The following RBMS3 variants were observed in gnomAD, a reference collection of about 807,000 sequenced individuals.
RBMS3 encodes RNA-binding motif, single-stranded-interacting protein 3.
RBMS3 carries 27 observed loss-of-function variants against 66.8 expected under a neutral mutation model. That is an observed-to-expected ratio of 0.40 (90% CI 0.30 to 0.56). The LOEUF (loss-of-function observed/expected upper bound fraction) is 0.56, where lower values mean the gene tolerates loss of function less well. RBMS3 is among the 20% of genes least tolerant of loss of function. RBMS3 has a pLI of 0.40. For missense variants in RBMS3, 513 were observed against 549.5 expected (o/e 0.93, Z 0.66); for synonymous variants, 188 against 183.0 (o/e 1.03, Z -0.22).
chr3:29,544,148 CT>C (rs1230446773), intron 3 of RBMS3, among the ~76,000 whole-genome samples: 2 of 151,994 alleles, frequency 1.3e-5, no homozygotes, highest in Non-Finnish European at 2.9e-5. Context: ...TACATTGTGA[CT>C]TTAGTATTCC....
At chr3:29,594,249 A>G (rs2149105630) in intron 4 of RBMS3, among the ~76,000 whole-genome samples, 1 of 152,206 alleles carries the variant, frequency 6.6e-6, no homozygotes, top group East Asian at 1.9e-4. Context: ...AAGTCATCCT[A>G]ATATTGCACT....
At chr3:29,366,652 G>T (rs7641966) in intron 1 of RBMS3, among the ~76,000 whole-genome samples, 94,694 of 151,844 alleles carry the variant, frequency 0.62, 30,090 homozygotes, top group Non-Finnish European at 0.69. Flanking sequence ...TGGTATTATA[G>T]GCATGAGCCA....
chr3:29,289,222 TG>T (rs1218138124), intron 1 of RBMS3, among the ~76,000 whole-genome samples: 4 of 151,926 alleles, frequency 2.6e-5, no homozygotes, highest in African/African-American at 7.2e-5. Context: ...GCCTCTGCTA[TG>T]GAAGGTATGA....
At chr3:29,673,297 A>C (rs2051086046) in intron 4 of RBMS3, among the ~76,000 whole-genome samples, 1 of 152,250 alleles carries the variant, frequency 6.6e-6, no homozygotes, top group African/African-American at 2.4e-5. Context: ...AGAAAGCAGG[A>C]AAGATCTAAA....
intron 12 of RBMS3, among the ~76,000 whole-genome samples, chr3:29,967,695 G>A (rs1696945253): frequency 6.6e-6 from 1 of 152,160 alleles, no homozygotes; most frequent in Admixed American, 6.5e-5. Flanking sequence ...ATTTAAGCTA[G>A]GAGGGTTGTA....
At chr3:29,509,199 A>T (rs1237200631) in intron 3 of RBMS3, among the ~76,000 whole-genome samples, 3 of 152,134 alleles carry the variant, frequency 2.0e-5, no homozygotes, top group African/African-American at 7.2e-5. Flanking sequence ...TACAATGAGC[A>T]ACCTATGTGG....
intron 4 of RBMS3, among the ~76,000 whole-genome samples, chr3:29,599,070 C>A (rs1482712491): frequency 6.6e-6 from 1 of 151,428 alleles, no homozygotes; most frequent in South Asian, 2.1e-4. Flanking sequence ...ATTAAAGAAG[C>A]TTTCCCAGTA....
chr3:29,358,871 G>A (rs1449377910), intron 1 of RBMS3, among the ~76,000 whole-genome samples: 1 of 152,146 alleles, frequency 6.6e-6, no homozygotes, highest in East Asian at 1.9e-4. Context: ...GTGTAAGAAT[G>A]CTTGTGATTT....
chr3:29,481,590 TG>T (rs2043131867), intron 2 of RBMS3, among the ~76,000 whole-genome samples: 1 of 151,994 alleles, frequency 6.6e-6, no homozygotes, highest in Non-Finnish European at 1.5e-5. Context: ...GACAAGCATA[TG>T]GGAAGGTAGT....
intron 2 of RBMS3, among the ~76,000 whole-genome samples, chr3:29,460,458 GATAAT>G (rs2042335869): frequency 2.6e-5 from 4 of 152,158 alleles, no homozygotes; most frequent in Admixed American, 2.6e-4. Flanking sequence ...GGTCACAAGA[GATAAT>G]ATAAAGTAAA....
At chr3:29,782,326 A>G (rs2149411933) in intron 6 of RBMS3, among the ~76,000 whole-genome samples, 1 of 152,336 alleles carries the variant, frequency 6.6e-6, no homozygotes, top group African/African-American at 2.4e-5. Flanking sequence ...ATCCAGAGCT[A>G]CAAGACCTGA....
intron 12 of RBMS3, among the ~76,000 whole-genome samples, chr3:29,985,175 C>T (rs1251511162): frequency 6.6e-6 from 1 of 152,200 alleles, no homozygotes. Flanking sequence ...GCTTTGTTTA[C>T]ACTGTGAGGG....
intron 4 of RBMS3, chr3:29,730,993 C>T: frequency 1.0e-6 from 1 of 985,356 alleles, no homozygotes; most frequent in Non-Finnish European, 1.2e-6. Context: ...AATCTGGCCA[C>T]CTGTTCCAGG....
intron 3 of RBMS3, among the ~76,000 whole-genome samples, chr3:29,574,945 C>T (rs879536354): frequency 1.3e-5 from 2 of 151,938 alleles, no homozygotes; most frequent in Admixed American, 6.6e-5. Flanking sequence ...TCTTATTGTA[C>T]TGTCTGTATC....
At chr3:29,696,181 C>G (rs2052266440) in intron 4 of RBMS3, among the ~76,000 whole-genome samples, 1 of 152,198 alleles carries the variant, frequency 6.6e-6, no homozygotes, top group African/African-American at 2.4e-5. Context: ...TCCTGGCTTC[C>G]AAGCCCAGAT....
At chr3:29,561,569 C>T (rs1194133606) in intron 3 of RBMS3, among the ~76,000 whole-genome samples, 1 of 152,186 alleles carries the variant, frequency 6.6e-6, no homozygotes, top group Admixed American at 6.5e-5. Context: ...TCCCCTGCCT[C>T]AGCCTCCTGA....
intron 5 of RBMS3, 164 bp downstream of exon 5, chr3:29,740,041 T>G (rs1480957406): frequency 3.9e-6 from 2 of 508,572 alleles, no homozygotes; most frequent in Non-Finnish European, 6.5e-6. Context: ...TGCTTGGAGC[T>G]AAATAATTTC....
At chr3:29,990,194 GAAAAGATTGAA>G (rs987225347) in intron 13 of RBMS3, among the ~76,000 whole-genome samples, 1 of 146,196 alleles carries the variant, frequency 6.8e-6, no homozygotes, top group Non-Finnish European at 1.5e-5. Flanking sequence ...AATTAGGAAA[GAAAAGATTGAA>G]TAGAGAGACT....
intron 1 of RBMS3, among the ~76,000 whole-genome samples, chr3:29,354,002 T>C (rs2037073711): frequency 1.3e-5 from 2 of 152,132 alleles, no homozygotes; most frequent in African/African-American, 4.8e-5. Context: ...CCAGTAATTC[T>C]TCTAGTCTCC....
Sources: allele counts gnomAD v4.1 joint callset (sites outside exome capture counted in the v4.1 genomes callset), GRCh38; gene constraint gnomAD v4.1.1; transcripts MANE v1.5; gene names NCBI Gene and HGNC (gene_info 2026-07-23, HGNC 2026-07-21).